The following DPP6 variants were observed in gnomAD, a reference collection of about 807,000 sequenced individuals.
The protein encoded by DPP6 is A-type potassium channel modulatory protein DPP6.
Under a neutral mutation model 122.6 loss-of-function variants are expected in DPP6, and 69 were observed. The ratio of observed to expected loss-of-function variants is 0.56; its 90% confidence interval spans 0.46 to 0.69. The LOEUF (loss-of-function observed/expected upper bound fraction) is 0.69. DPP6 is among the 30% of genes least tolerant of loss of function. The pLI, the probability that DPP6 is intolerant of heterozygous loss-of-function variation, is 0.00. For missense variants in DPP6, 928 were observed against 1,116.9 expected (o/e 0.83, Z 2.41); for synonymous variants, 418 against 433.1 (o/e 0.97, Z 0.43).
intron 17 of DPP6, 147 bp downstream of exon 17, chr7:154,853,974 C>T (rs908847674): frequency 4.5e-6 from 5 of 1,112,274 alleles, no homozygotes; most frequent in Non-Finnish European, 6.3e-6. Flanking sequence ...CCATGCTGAT[C>T]ACCAATATCA....
At chr7:154,592,867 C>A (rs774068272) in intron 5 of DPP6, among the ~76,000 whole-genome samples, 2 of 152,204 alleles carry the variant, frequency 1.3e-5, no homozygotes, top group Non-Finnish European at 2.9e-5. Flanking sequence ...ACCAAACCAC[C>A]CTCAATACAG....
intron 1 of DPP6, among the ~76,000 whole-genome samples, chr7:154,361,603 C>CAAAAA (rs34342809): frequency 7.6e-4 from 44 of 57,580 alleles, no homozygotes; most frequent in Middle Eastern, 0.013. Context: ...AATTGCTAGC[C>CAAAAA]AAAAAAAAAA....
chr7:154,548,080 G>C (rs1269533339), intron 4 of DPP6, among the ~76,000 whole-genome samples: 1 of 152,016 alleles, frequency 6.6e-6, no homozygotes, highest in Non-Finnish European at 1.5e-5. Context: ...GTGGTGGCAG[G>C]CGCCTGTAAT....
chr7:153,838,068 C>T, the DPP6 span, among the ~76,000 whole-genome samples: 9 of 152,070 alleles, frequency 5.9e-5, no homozygotes, highest in Admixed American at 4.6e-4. Context: ...AAGGCAAGTA[C>T]AATCATGAAC....
intron 1 of DPP6, among the ~76,000 whole-genome samples, chr7:154,400,019 C>A (rs546225772): frequency 1.3e-5 from 2 of 152,072 alleles, no homozygotes; most frequent in Admixed American, 1.3e-4. Flanking sequence ...GGAGGGAGTG[C>A]AGGTGTGTGT....
chr7:154,134,063 C>T (rs996677298), intron 1 of DPP6, among the ~76,000 whole-genome samples: 1 of 151,882 alleles, frequency 6.6e-6, no homozygotes, highest in African/African-American at 2.4e-5. Context: ...CACAGGGCTG[C>T]CACTCAGTGC....
chr7:154,798,073 G>T (rs1798148596), intron 12 of DPP6, among the ~76,000 whole-genome samples: 1 of 152,198 alleles, frequency 6.6e-6, no homozygotes, highest in African/African-American at 2.4e-5. Flanking sequence ...TTGGGGGCAG[G>T]GAGGCTATGG....
At chr7:154,062,906 C>A (rs1292608997) in intron 1 of DPP6, among the ~76,000 whole-genome samples, 2 of 134,628 alleles carry the variant, frequency 1.5e-5, no homozygotes, top group Non-Finnish European at 3.3e-5. Flanking sequence ...ATCCTTAGGA[C>A]CCACCTGGAG....
chr7:154,492,083 G>T (rs1824325159), intron 3 of DPP6, among the ~76,000 whole-genome samples: 1 of 152,182 alleles, frequency 6.6e-6, no homozygotes, highest in Admixed American at 6.5e-5. Flanking sequence ...GCTGCTAGGT[G>T]CCTAAAGCTC....
chr7:154,844,363 T>C (rs1801786964), intron 16 of DPP6, among the ~76,000 whole-genome samples: 1 of 152,240 alleles, frequency 6.6e-6, no homozygotes, highest in Non-Finnish European at 1.5e-5. Context: ...CCCAAAATTC[T>C]GTGTATGTTC....
chr7:153,837,540 C>A, the DPP6 span, among the ~76,000 whole-genome samples: 3 of 152,150 alleles, frequency 2.0e-5, no homozygotes, highest in Non-Finnish European at 2.9e-5. Context: ...TTCCAGGAAA[C>A]CTGTTAATTA....
At chr7:154,676,181 T>G (rs1472146463) in intron 7 of DPP6, among the ~76,000 whole-genome samples, 2 of 150,768 alleles carry the variant, frequency 1.3e-5, no homozygotes, top group Non-Finnish European at 2.9e-5. Flanking sequence ...TGTTCCGGGC[T>G]ACAGCCTTGC....
chr7:154,676,776 G>A (rs553476165), intron 7 of DPP6, among the ~76,000 whole-genome samples: 4 of 152,368 alleles, frequency 2.6e-5, no homozygotes, highest in South Asian at 2.1e-4. Context: ...CAAAGAAAAC[G>A]AGTCCCTTTT....
intron 1 of DPP6, among the ~76,000 whole-genome samples, chr7:154,345,268 A>T (rs1810298979): frequency 6.6e-6 from 1 of 152,098 alleles, no homozygotes; most frequent in African/African-American, 2.4e-5. Context: ...TCCCATGGTG[A>T]GGGCCTCACC....
intron 7 of DPP6, among the ~76,000 whole-genome samples, chr7:154,675,618 T>C (rs1838851484): frequency 1.3e-5 from 2 of 152,248 alleles, no homozygotes; most frequent in African/African-American, 4.8e-5. Context: ...CAACTCTTCT[T>C]GAATACTTCC....
chr7:154,647,086 G>T lies in DPP6; in HGVS notation c.680+9213G>T, dbSNP rs188764348. On this transcript the variant is annotated intron_variant, in intron 6 of 25. Transcript: ENST00000377770. ...CCATGTCCCTGGTTCCTGATACTGGGGGACCCCATAAATGTTGGTTAATCA... is the reference window on the plus strand; with the variant it reads ...CCATGTCCCTGGTTCCTGATACTGGTGGACCCCATAAATGTTGGTTAATCA... Among the ~76,000 whole-genome samples, 19 of 152,258 alleles carry T rather than the reference G, an allele frequency of 1.2e-4. No homozygotes were observed. The East Asian group carries it at 3.7e-3, about 29-fold the overall frequency.
At chr7:154,543,080 G>C (rs978758909) in intron 4 of DPP6, among the ~76,000 whole-genome samples, 1 of 152,176 alleles carries the variant, frequency 6.6e-6, no homozygotes, top group African/African-American at 2.4e-5. Flanking sequence ...AATTGGGAAT[G>C]GGGAGCAGTA....
intron 4 of DPP6, among the ~76,000 whole-genome samples, chr7:154,542,227 T>G (rs901420701): frequency 6.6e-6 from 1 of 152,098 alleles, no homozygotes; most frequent in Non-Finnish European, 1.5e-5. Flanking sequence ...CTAGGACAAA[T>G]GAATGTGCCT....
chr7:154,823,352 A>C (rs1437842754), intron 16 of DPP6, among the ~76,000 whole-genome samples: 1 of 145,194 alleles, frequency 6.9e-6, no homozygotes, highest in Non-Finnish European at 1.5e-5. Context: ...CCTGGGTGAC[A>C]GAGCAAGATC....
Sources: allele counts gnomAD v4.1 joint callset (sites outside exome capture counted in the v4.1 genomes callset), GRCh38; gene constraint gnomAD v4.1.1; transcripts MANE v1.5; gene names NCBI Gene and HGNC (gene_info 2026-07-23, HGNC 2026-07-21).